The following MYRIP variants were observed in gnomAD, a reference collection of about 807,000 sequenced individuals.
MYRIP encodes rab effector MyRIP.
Under a neutral mutation model 98.0 loss-of-function variants are expected in MYRIP, and 49 were observed. That is an observed-to-expected ratio of 0.50 (90% CI 0.40 to 0.63). The LOEUF is 0.63. MYRIP is among the 30% of genes least tolerant of loss of function. MYRIP has a pLI of 0.00. For missense variants in MYRIP, 1,004 were observed against 1,058.2 expected (o/e 0.95, Z 0.71); for synonymous variants, 404 against 409.5 (o/e 0.99, Z 0.16).
chr3:40,231,845 G>A (rs1449841573), intron 11 of MYRIP, among the ~76,000 whole-genome samples: 3 of 152,038 alleles, frequency 2.0e-5, no homozygotes, highest in Non-Finnish European at 4.4e-5. Flanking sequence ...CCAAATAAGG[G>A]GCAATTTTTC....
At chr3:40,119,042 G>A (rs943837495) in intron 3 of MYRIP, among the ~76,000 whole-genome samples, 5 of 152,092 alleles carry the variant, frequency 3.3e-5, no homozygotes, top group African/African-American at 9.6e-5. Flanking sequence ...ATAAACATAC[G>A]TGTGCATGTG....
chr3:40,039,858 G>A (rs549196586), intron 2 of MYRIP, among the ~76,000 whole-genome samples: 5 of 152,024 alleles, frequency 3.3e-5, no homozygotes, highest in South Asian at 4.2e-4. Flanking sequence ...CAATCAAGGC[G>A]CTGGAAGGGC....
intron 1 of MYRIP, among the ~76,000 whole-genome samples, chr3:39,846,160 G>A (rs1261026894): frequency 6.6e-6 from 1 of 151,150 alleles, no homozygotes; most frequent in African/African-American, 2.4e-5. Context: ...AGTTAACAAA[G>A]GTGGTCCCCT....
chr3:40,156,913 C>T (rs1950255689), intron 4 of MYRIP, among the ~76,000 whole-genome samples: 1 of 151,866 alleles, frequency 6.6e-6, no homozygotes, highest in South Asian at 2.1e-4. Context: ...ATGGGGTTTT[C>T]TAGATATACA....
intron 1 of MYRIP, 116 bp downstream of exon 1, chr3:39,810,032 C>T (rs555752797): frequency 3.3e-5 from 5 of 152,484 alleles, no homozygotes; most frequent in African/African-American, 7.2e-5. Context: ...CTCTCACGCT[C>T]CCCCGCACCC....
At chr3:40,114,047 C>T (rs1949217436) in intron 3 of MYRIP, among the ~76,000 whole-genome samples, 1 of 152,066 alleles carries the variant, frequency 6.6e-6, no homozygotes, top group Admixed American at 6.5e-5. Flanking sequence ...CACATAAAGC[C>T]CACAAAACTT....
chr3:40,146,118 T>C (rs1054088237), intron 3 of MYRIP, among the ~76,000 whole-genome samples: 1 of 152,194 alleles, frequency 6.6e-6, no homozygotes, highest in Admixed American at 6.5e-5. Context: ...TACTTAATCA[T>C]AGAGAATTAT....
intron 11 of MYRIP, among the ~76,000 whole-genome samples, chr3:40,225,752 C>T (rs531739711): frequency 5.4e-4 from 82 of 152,280 alleles, no homozygotes; most frequent in Non-Finnish European, 9.1e-4. Flanking sequence ...TGAGGTGCTT[C>T]CCTCCTTGCT....
At chr3:39,893,443 A>G (rs1278604553) in intron 1 of MYRIP, among the ~76,000 whole-genome samples, 1 of 152,094 alleles carries the variant, frequency 6.6e-6, no homozygotes, top group Non-Finnish European at 1.5e-5. Flanking sequence ...CTCTTGTTTT[A>G]TGGTCTCTGC....
At chr3:40,178,014 T>TA (rs2125610022) in intron 8 of MYRIP, among the ~76,000 whole-genome samples, 1 of 152,324 alleles carries the variant, frequency 6.6e-6, no homozygotes, top group Non-Finnish European at 1.5e-5. Flanking sequence ...ATTTAATACT[T>TA]ACATCTGACC....
intron 1 of MYRIP, among the ~76,000 whole-genome samples, chr3:39,889,135 TCTAGAA>T (rs1194708393): frequency 6.6e-6 from 1 of 152,148 alleles, no homozygotes; most frequent in African/African-American, 2.4e-5. Context: ...TCCTCAGGGA[TCTAGAA>T]CTAGAAATGC....
At chr3:40,096,041 C>A (rs868344663) in intron 3 of MYRIP, among the ~76,000 whole-genome samples, 81 of 151,798 alleles carry the variant, frequency 5.3e-4, no homozygotes, top group African/African-American at 1.8e-3. Context: ...CACCATCCCC[C>A]CTCCCCCAGA....
intron 2 of MYRIP, among the ~76,000 whole-genome samples, chr3:39,976,405 G>T (rs1431442676): frequency 6.6e-6 from 1 of 152,192 alleles, no homozygotes; most frequent in Non-Finnish European, 1.5e-5. Flanking sequence ...ACAGGTGCTG[G>T]AGAGGATATG....
intron 1 of MYRIP, among the ~76,000 whole-genome samples, chr3:39,841,622 C>G (rs750104207): frequency 2.6e-5 from 4 of 152,030 alleles, no homozygotes; most frequent in Non-Finnish European, 5.9e-5. Context: ...TATTGGTGAC[C>G]TTCGGATGGG....
At chr3:40,110,094 A>C (rs1030128723) in intron 3 of MYRIP, among the ~76,000 whole-genome samples, 3 of 152,124 alleles carry the variant, frequency 2.0e-5, no homozygotes, top group African/African-American at 7.2e-5. Context: ...TTTCTTACTC[A>C]CTTCTGCCCA....
chr3:39,857,826 T>C (rs771603545), intron 1 of MYRIP, among the ~76,000 whole-genome samples: 1 of 152,120 alleles, frequency 6.6e-6, no homozygotes, highest in Non-Finnish European at 1.5e-5. Context: ...AATAGGATAT[T>C]ATAGCTATAA....
intron 1 of MYRIP, among the ~76,000 whole-genome samples, chr3:39,886,927 A>G (rs1035234115): frequency 5.9e-5 from 9 of 152,112 alleles, no homozygotes; most frequent in African/African-American, 2.2e-4. Flanking sequence ...AAAATTGACC[A>G]CATAGTTGGA....
At chr3:39,852,046 A>G (rs541842504) in intron 1 of MYRIP, among the ~76,000 whole-genome samples, 1 of 152,188 alleles carries the variant, frequency 6.6e-6, no homozygotes, top group South Asian at 2.1e-4. Flanking sequence ...TTACTTAGCA[A>G]TCAACAATTT....
chr3:39,964,053 C>T (rs754041517), intron 2 of MYRIP, among the ~76,000 whole-genome samples: 1 of 152,022 alleles, frequency 6.6e-6, no homozygotes, highest in Non-Finnish European at 1.5e-5. Flanking sequence ...ATTTCTTTTT[C>T]AGCTGTACAT....
Sources: gnomAD v4.1 joint callset for allele counts (sites outside exome capture counted in the v4.1 genomes callset) on GRCh38, gnomAD v4.1.1 for gene constraint, MANE v1.5 for transcripts, NCBI Gene and HGNC (gene_info 2026-07-23, HGNC 2026-07-21) for gene names.